The following FAM227B variants were observed in gnomAD, a reference collection of about 807,000 sequenced individuals.
The protein encoded by FAM227B is protein FAM227B.
Under a neutral mutation model 73.8 loss-of-function variants are expected in FAM227B, and 88 were observed. That is an observed-to-expected ratio of 1.19 (90% CI 1.00 to 1.42). The LOEUF (loss-of-function observed/expected upper bound fraction) is 1.42. Ranked by LOEUF, FAM227B falls within the 40% of genes most tolerant of loss-of-function variation. The pLI is 0.00. For synonymous variants in FAM227B, 210 were observed against 190.5 expected (o/e 1.10, Z -0.84); for missense variants, 632 against 590.9 (o/e 1.07, Z -0.72).
At chr15:49,573,063 C>T (rs11632674) in intron 8 of FAM227B, among the ~76,000 whole-genome samples, 49,665 of 151,092 alleles carry the variant, frequency 0.33, 8,925 homozygotes, top group African/African-American at 0.46. Flanking sequence ...TTTTCTAATG[C>T]AGGCATTTTA....
chr15:49,551,361 CTTT>C (rs1417639903), intron 9 of FAM227B, among the ~76,000 whole-genome samples: 2 of 152,096 alleles, frequency 1.3e-5, no homozygotes, highest in African/African-American at 2.4e-5. Context: ...TAATAACCTT[CTTT>C]GTTTCTTCTT....
chr15:49,459,449 C>A (rs1303117971), intron 11 of FAM227B, among the ~76,000 whole-genome samples: 1 of 151,884 alleles, frequency 6.6e-6, no homozygotes, highest in Admixed American at 6.6e-5. Context: ...TGTTTTCTTT[C>A]TTTTCTTTTT....
At chr15:49,501,015 GT>G (rs1171248869) in intron 11 of FAM227B, among the ~76,000 whole-genome samples, 1 of 152,134 alleles carries the variant, frequency 6.6e-6, no homozygotes, top group Non-Finnish European at 1.5e-5. Flanking sequence ...TGCCAGCACC[GT>G]GCTTCCTGTA....
intron 11 of FAM227B, chr15:49,422,718 G>A (rs1193931316): frequency 4.7e-6 from 6 of 1,274,254 alleles, no homozygotes; most frequent in Non-Finnish European, 5.5e-6. Flanking sequence ...TTTCAGCCTA[G>A]GAATATAATA....
intron 13 of FAM227B, among the ~76,000 whole-genome samples, chr15:49,358,339 C>A (rs2043551012): frequency 8.4e-6 from 1 of 118,346 alleles, no homozygotes; most frequent in African/African-American, 3.3e-5. Flanking sequence ...TAGAAAACCC[C>A]ATTGTCTCAG....
chr15:49,381,031 T>C (rs543988387), intron 11 of FAM227B, among the ~76,000 whole-genome samples: 17 of 152,160 alleles, frequency 1.1e-4, no homozygotes, highest in Non-Finnish European at 2.4e-4. Flanking sequence ...GAGGAGCCCA[T>C]GTGTCATCTG....
intron 11 of FAM227B, chr15:49,434,452 C>T (rs1378173544): frequency 6.6e-6 from 1 of 151,254 alleles, no homozygotes; most frequent in Non-Finnish European, 1.5e-5. Context: ...CGCAGGTTGT[C>T]AAACCCAACA....
chr15:49,558,043 C>T (rs1157567151), intron 9 of FAM227B, among the ~76,000 whole-genome samples: 1 of 152,138 alleles, frequency 6.6e-6, no homozygotes, highest in Non-Finnish European at 1.5e-5. Flanking sequence ...CCAGGAAGCA[C>T]CCAGGCTGCA....
At position 49,576,796 on chromosome 15, in the gene FAM227B, C is replaced by T. The variant is rs769855630; in HGVS notation, c.491G>A (p.Arg164Lys). 7.4e-6 allele frequency: 12 copies of T among 1,613,192 alleles called. No individual in the cohort carries two copies. Residue 164 changes from arginine (R) to lysine (K), a missense_variant, in exon 7 of 16, where the codon AGA becomes AAA. Arg to Lys is a conservative substitution (Grantham distance 26). Coordinates refer to ENST00000299338, the MANE Select transcript of FAM227B (RefSeq NM_152647.3). ...FKANELTQLPRHLDAEQIYLF... is the reference protein window; with the variant it reads ...FKANELTQLPKHLDAEQIYLF... ...ATAAATTTGTTCAGCATCCAAATGT[C>T]TGGGTAGCTGAGTAAGTTCATTTGC...
intron 11 of FAM227B, among the ~76,000 whole-genome samples, chr15:49,501,388 T>C (rs1386253828): frequency 6.6e-6 from 1 of 152,200 alleles, no homozygotes; most frequent in Non-Finnish European, 1.5e-5. Flanking sequence ...AGGTCATCTG[T>C]GTTGTGCCTT....
intron 10 of FAM227B, among the ~76,000 whole-genome samples, chr15:49,537,044 T>TG (rs2070376492): frequency 6.6e-6 from 1 of 152,082 alleles, no homozygotes; most frequent in Non-Finnish European, 1.5e-5. Context: ...TAGCTTGGGC[T>TG]ACAATAGCAA....
At chr15:49,364,015 G>A (rs377122748) in intron 13 of FAM227B, among the ~76,000 whole-genome samples, 37 of 152,196 alleles carry the variant, frequency 2.4e-4, no homozygotes, top group African/African-American at 7.7e-4. Flanking sequence ...GATTCCGTTC[G>A]CTAGTATTTT....
At chr15:49,584,666 G>A (rs2076035800) in intron 5 of FAM227B, among the ~76,000 whole-genome samples, 1 of 152,048 alleles carries the variant, frequency 6.6e-6, no homozygotes, top group Admixed American at 6.6e-5. Context: ...GAAGTCTCAG[G>A]ATACAAAATT....
intron 10 of FAM227B, among the ~76,000 whole-genome samples, chr15:49,515,717 C>G (rs1393716376): frequency 2.0e-5 from 3 of 152,148 alleles, no homozygotes; most frequent in Non-Finnish European, 4.4e-5. Flanking sequence ...TCAAATTCCT[C>G]TTAGGATGGG....
chr15:49,489,593 A>G (rs1177566478), intron 11 of FAM227B, among the ~76,000 whole-genome samples: 1 of 150,868 alleles, frequency 6.6e-6, no homozygotes, highest in Non-Finnish European at 1.5e-5. Flanking sequence ...AAGATCATAG[A>G]TGCCAGCTGG....
chr15:49,554,704 T>C (rs914452282), intron 9 of FAM227B, among the ~76,000 whole-genome samples: 2 of 152,216 alleles, frequency 1.3e-5, no homozygotes, highest in East Asian at 1.9e-4. Context: ...CTGCTTTTCC[T>C]ATCTCTTCAG....
At chr15:49,459,726 T>A (rs1166150395) in intron 11 of FAM227B, among the ~76,000 whole-genome samples, 2 of 152,182 alleles carry the variant, frequency 1.3e-5, no homozygotes, top group African/African-American at 4.8e-5. Flanking sequence ...AAAACCAGGC[T>A]ATAGTTCATG....
At chr15:49,376,242 T>G (rs535797838) in intron 11 of FAM227B, among the ~76,000 whole-genome samples, 3 of 152,240 alleles carry the variant, frequency 2.0e-5, no homozygotes, top group Non-Finnish European at 4.4e-5. Flanking sequence ...TCTCTGAGAT[T>G]TTTATATTTT....
chr15:49,404,248 G>A (rs1030378063), intron 11 of FAM227B, among the ~76,000 whole-genome samples: 3 of 152,134 alleles, frequency 2.0e-5, no homozygotes, highest in Admixed American at 2.0e-4. Flanking sequence ...TGTTTTGGGT[G>A]GAGAGTTCTG....
Sources: gnomAD v4.1 joint callset for allele counts (sites outside exome capture counted in the v4.1 genomes callset) on GRCh38, gnomAD v4.1.1 for gene constraint, MANE v1.5 for transcripts, NCBI Gene and HGNC (gene_info 2026-07-23, HGNC 2026-07-21) for gene names.